FNTB: variants seen among roughly 807,000 people sequenced by gnomAD.
FNTB encodes the protein farnesyltransferase, CAAX box, subunit beta, also known as protein farnesyltransferase subunit beta.
A neutral mutation model predicts 59.4 loss-of-function variants in FNTB; 27 were observed. That is an observed-to-expected ratio of 0.45 (90% CI 0.34 to 0.63). The LOEUF is 0.63. Among genes scored for constraint, FNTB ranks in the 20% least tolerant of loss-of-function variants. The pLI, the probability that FNTB is intolerant of heterozygous loss-of-function variation, is 0.02. For synonymous variants in FNTB, 230 were observed against 220.7 expected (o/e 1.04, Z -0.37); for missense variants, 449 against 559.6 (o/e 0.80, Z 1.99).
chr14:65,053,626 T>TAAAAAAAAAAAAAAA (rs201689378), intron 10 of FNTB, among the ~76,000 whole-genome samples: 1 of 144,324 alleles, frequency 6.9e-6, no homozygotes, highest in Non-Finnish European at 1.5e-5. Flanking sequence ...TTCTTTTTTT[T>TAAAAAAAAAAAAAAA]AAAAAAAACA....
At position 65,032,634 on chromosome 14, in the gene FNTB, A is replaced by T; in HGVS notation, c.630A>T (p.Val210=). The change falls in exon 7 of 12, where the codon GTA becomes GTT. Residue 210 remains valine, a synonymous_variant. Coordinates refer to ENST00000246166, the MANE Select transcript of FNTB (RefSeq NM_002028.4). The surrounding 1 kb of genome is among the most constrained non-coding windows in gnomAD (Gnocchi z 5.0). Reference sequence around the variant, plus strand: ...GAAGCGCATACTGTGCTGCCTCCGTAGCCTCGCTGACCAACATCATCACTC... The same window carrying T: ...GAAGCGCATACTGTGCTGCCTCCGTTGCCTCGCTGACCAACATCATCACTC... ...DVRSAYCAAS[V]ASLTNIITPD... is the part of the protein sequence containing the mutation. 1 of 1,613,996 alleles carries T rather than the reference A, an allele frequency of 6.2e-7. No individual in the cohort carries two copies. Among genetic ancestry groups the T allele is most frequent in the South Asian group, 1.1e-5 (1 of 91,078 alleles).
intron 9 of FNTB, among the ~76,000 whole-genome samples, chr14:65,052,670 C>T (rs182061988): frequency 5.3e-5 from 8 of 152,280 alleles, no homozygotes; most frequent in Admixed American, 3.3e-4. Flanking sequence ...TCATATGATG[C>T]AGGAGGGCAG....
rs1420538678 is a variant in FNTB, at chr14:65,001,443, T to C, written c.145-2806T>C. ...CGTGTGGTAGGCTATACCACCCAGG[T>C]TGGTGTGAGTATACTCTGATGTTCC... On this transcript the variant is annotated intron_variant, in intron 1 of 11. Coordinates refer to ENST00000246166, the MANE Select transcript of FNTB (RefSeq NM_002028.4). The surrounding 1 kb of genome is among the most constrained non-coding windows in gnomAD (Gnocchi z 5.5). Among the ~76,000 whole-genome samples the C allele has an allele frequency of 1.3e-5, 2 of 152,156 alleles. No individual in the cohort carries two copies. Among genetic ancestry groups the C allele is most frequent in the Non-Finnish European group, 2.9e-5 (2 of 68,032 alleles).
At chr14:64,988,210 C>G (rs1379977319) in intron 1 of FNTB, among the ~76,000 whole-genome samples, 2 of 152,146 alleles carry the variant, frequency 1.3e-5, no homozygotes. Flanking sequence ...GAGATTTAAA[C>G]TTCATGGAAT....
At chr14:65,021,160 A>C (rs534821884) in intron 4 of FNTB, among the ~76,000 whole-genome samples, 25 of 152,346 alleles carry the variant, frequency 1.6e-4, no homozygotes, top group Non-Finnish European at 3.2e-4. Flanking sequence ...AGCATCCTCT[A>C]ATGAGAATCC....
chr14:65,053,626 T>TAAAAAAAAAAACAAAAAA (rs201689378), intron 10 of FNTB, among the ~76,000 whole-genome samples: 2 of 144,320 alleles, frequency 1.4e-5, no homozygotes, highest in African/African-American at 5.3e-5. Flanking sequence ...TTCTTTTTTT[T>TAAAAAAAAAAACAAAAAA]AAAAAAAACA....
At chr14:64,993,915 G>C (rs906527235) in intron 1 of FNTB, among the ~76,000 whole-genome samples, 1 of 151,720 alleles carries the variant, frequency 6.6e-6, no homozygotes, top group African/African-American at 2.4e-5. Flanking sequence ...GAGTGCAGTG[G>C]TGCGATCTCC....
chr14:65,013,337 T>C (rs1308718643), intron 3 of FNTB, among the ~76,000 whole-genome samples: 1 of 151,516 alleles, frequency 6.6e-6, no homozygotes, highest in Non-Finnish European at 1.5e-5. Context: ...TTTTTTTTTT[T>C]CTTCCTCCAA....
At chr14:65,058,116 T>G (rs1285565040) in intron 11 of FNTB, among the ~76,000 whole-genome samples, 1 of 152,146 alleles carries the variant, frequency 6.6e-6, no homozygotes, top group African/African-American at 2.4e-5. Flanking sequence ...CCAACTTTTT[T>G]TTTTTTCTTC....
In FNTB at chr14:64,997,565, TTG is replaced by T. The variant is rs1349936498; in HGVS notation, c.145-6680_145-6679del. Among the ~76,000 whole-genome samples the T allele has an allele frequency of 2.6e-5, 4 of 152,238 alleles. No homozygotes were observed. The highest frequency in any genetic ancestry group is 6.5e-5 in the Admixed American group (1 of 15,282). ...CAAGGCTGTGGTCTTAGTGAATTGA[TTG>T]TGTCTGTGCAGCAAGCTGGAAGAAC... On this transcript the variant is annotated intron_variant, in intron 1 of 11. Coordinates refer to ENST00000246166, the MANE Select transcript of FNTB (RefSeq NM_002028.4). The surrounding 1 kb of genome is among the most constrained non-coding windows in gnomAD (Gnocchi z 4.5).
chr14:65,005,511 T>TTCTTTCTTTCTCTCTCTC, intron 2 of FNTB, among the ~76,000 whole-genome samples: 1 of 64,458 alleles, frequency 1.6e-5, no homozygotes, highest in African/African-American at 7.6e-5. Flanking sequence ...CTTTCTTTCT[T>TTCTTTCTTTCTCTCTCTC]TCTCTCTCTC....
At chr14:65,033,796 G>A (rs2062134147) in intron 7 of FNTB, among the ~76,000 whole-genome samples, 1 of 152,208 alleles carries the variant, frequency 6.6e-6, no homozygotes, top group South Asian at 2.1e-4. Context: ...GGCGGAGCTT[G>A]CAGTGAGCCG....
intron 9 of FNTB, among the ~76,000 whole-genome samples, chr14:65,048,657 A>T (rs2139659432): frequency 6.6e-6 from 1 of 152,306 alleles, no homozygotes; most frequent in African/African-American, 2.4e-5. Flanking sequence ...GTTCAAGACC[A>T]GCCTGGGCAA....
At chr14:65,050,224 A>G (rs1296515682) in intron 9 of FNTB, among the ~76,000 whole-genome samples, 1 of 152,224 alleles carries the variant, frequency 6.6e-6, no homozygotes, top group East Asian at 1.9e-4. Context: ...CTAATTAGTA[A>G]TCAGAGGCAT....
Position 65,007,532 on chromosome 14 carries a change from C to G in FNTB, c.209+3219C>G, listed in dbSNP as rs992936779. Among the ~76,000 whole-genome samples the G allele has an allele frequency of 6.6e-6, 1 of 152,188 alleles. No homozygotes were observed. Among genetic ancestry groups the G allele is most frequent in the Non-Finnish European group, 1.5e-5 (1 of 68,036 alleles). On this transcript the variant is annotated intron_variant, in intron 2 of 11. Transcript: ENST00000246166. This position sits in a 1 kb window ranked among gnomAD's most constrained non-coding sequence, Gnocchi z 4.9. ...ATAGCAGACTGGGCTGAAAGTCAAG[C>G]CTGGAGCTGAATGTCAGTACATTCT...
At position 64,991,693 on chromosome 14, in the gene FNTB, A is replaced by G. The variant is rs1888203722; in HGVS notation, c.144+4596A>G. On this transcript the variant is annotated intron_variant, in intron 1 of 11. Transcript: ENST00000246166. This position sits in a 1 kb window ranked among gnomAD's most constrained non-coding sequence, Gnocchi z 4.4. ...TGCACGAGGATTTTGGGGAGTTGAAAAGCCATCTGTGTGGGCTGAGGTGGT... is the reference window on the plus strand; with the variant it reads ...TGCACGAGGATTTTGGGGAGTTGAAGAGCCATCTGTGTGGGCTGAGGTGGT... 6.6e-6 allele frequency among the ~76,000 whole-genome samples: 1 copy of G among 152,192 alleles called. No homozygotes were observed. The highest frequency in any genetic ancestry group is 2.1e-4 in the South Asian group (1 of 4,834).
chr14:65,049,087 G>A (rs531510561), intron 9 of FNTB, among the ~76,000 whole-genome samples: 405 of 150,554 alleles, frequency 2.7e-3, no homozygotes, highest in Non-Finnish European at 4.3e-3. Context: ...AGATCGCGCC[G>A]TTGCACTCCA....
At position 65,023,874 on chromosome 14, in the gene FNTB, G is replaced by A. The variant is rs959789348; in HGVS notation, c.375-3579G>A. 6.6e-6 allele frequency among the ~76,000 whole-genome samples: 1 copy of A among 152,120 alleles called. No individual in the cohort carries two copies. Among genetic ancestry groups the A allele is most frequent in the African/African-American group, 2.4e-5 (1 of 41,402 alleles). ...CTAGCACTTTGGGAGGCCAAGGCGG[G>A]CGGATTGTCTGAGCTCGGGAGTTCG... is the stretch of plus-strand genomic sequence containing the variant. On this transcript the variant is annotated intron_variant, in intron 4 of 11. Transcript: ENST00000246166. The surrounding 1 kb of genome is among the most constrained non-coding windows in gnomAD (Gnocchi z 4.1).
At chr14:64,996,139 AAG>A (rs1566861040) in intron 1 of FNTB, among the ~76,000 whole-genome samples, 1 of 151,034 alleles carries the variant, frequency 6.6e-6, no homozygotes, top group Non-Finnish European at 1.5e-5. Context: ...AAAAAAAAAA[AAG>A]AAAAAAGAAA....
Sources: gnomAD v4.1 joint callset for allele counts (sites outside exome capture counted in the v4.1 genomes callset) on GRCh38, gnomAD v4.1.1 for gene constraint, Gnocchi (gnomAD v3.1) non-coding constraint, MANE v1.5 for transcripts, NCBI Gene and HGNC (gene_info 2026-07-23, HGNC 2026-07-21) for gene names.